Variants in ILRUN observed in about 807,000 individuals in gnomAD.
ILRUN encodes the protein inflammation and lipid regulator with UBA-like and NBR1-like domains.
A neutral mutation model predicts 33.8 loss-of-function variants in ILRUN; 3 were observed. The ratio of observed to expected loss-of-function variants is 0.09; its 90% confidence interval spans 0.04 to 0.23. The LOEUF is 0.23. Ranked by LOEUF, ILRUN falls within the 10% of genes least tolerant of loss-of-function variation. The probability of loss-of-function intolerance (pLI) is 1.00; values close to 1 mark genes in which losing one functional copy is unlikely to be tolerated. For synonymous variants in ILRUN, 124 were observed against 138.9 expected (o/e 0.89, Z 0.75); for missense variants, 210 against 375.1 (o/e 0.56, Z 3.64).
At chr6:34,654,096 A>G (rs936897326) in intron 2 of ILRUN, among the ~76,000 whole-genome samples, 22 of 149,582 alleles carry the variant, frequency 1.5e-4, no homozygotes, top group African/African-American at 5.2e-4. Flanking sequence ...TTCCTACCCT[A>G]TTTTTCAAAG....
intron 3 of ILRUN, among the ~76,000 whole-genome samples, chr6:34,621,312 C>T (rs1243387191): frequency 2.0e-5 from 3 of 152,148 alleles, no homozygotes; most frequent in African/African-American, 4.8e-5. Flanking sequence ...AGGATTCCCC[C>T]ACTTCAAAAG....
At position 34,651,788 on chromosome 6, in the gene ILRUN, ACT is replaced by A. The variant is rs1491224925; in HGVS notation, c.313+2835_313+2836del. On this transcript the variant is annotated intron_variant, in intron 2 of 4. Coordinates refer to ENST00000374023, the MANE Select transcript of ILRUN (RefSeq NM_024294.4). ...ATATCTCACTGGTAGATTCCAAAAA[ACT>A]TTTTTTTTTTTTTTTTTTTTGAGAT... Among the ~76,000 whole-genome samples, 1,008 of 138,314 alleles carry A rather than the reference ACT, an allele frequency of 7.3e-3. 10 individuals are homozygous for A. Among genetic ancestry groups the A allele is most frequent in the African/African-American group, 0.027 (955 of 35,606 alleles). 90.7% of individuals were successfully genotyped at this position (138,314 alleles called of 152,430 possible).
Position 34,606,630 on chromosome 6 carries a change from A to G in ILRUN, c.786T>C (p.Asn262=). 1 of 1,614,164 alleles carries G rather than the reference A, an allele frequency of 6.2e-7. No homozygotes were observed. The highest frequency in any genetic ancestry group is 8.5e-7 in the Non-Finnish European group (1 of 1,180,024). The change falls in exon 4 of 5, where the codon AAT becomes AAC. Residue 262 remains asparagine (N), a synonymous_variant. Coordinates refer to ENST00000374023, the MANE Select transcript of ILRUN (RefSeq NM_024294.4). ...PAPDQTEQDQ[N]RLSQNSVNLS... is the part of the protein sequence containing the mutation. ...GATTTACAGAGTTCTGTGACAGTCT[A>G]TTCTGGTCTTGCTCAGTTTGGTCAG...
chr6:34,619,956 G>C (rs1381864866), intron 3 of ILRUN, among the ~76,000 whole-genome samples: 1 of 143,916 alleles, frequency 6.9e-6, no homozygotes, highest in African/African-American at 2.6e-5. Context: ...CTGCACTCCA[G>C]CCTGGGTGAC....
intron 3 of ILRUN, among the ~76,000 whole-genome samples, chr6:34,614,018 A>G (rs1328574146): frequency 2.0e-5 from 3 of 152,242 alleles, no homozygotes; most frequent in African/African-American, 7.2e-5. Flanking sequence ...GGCATGTCAC[A>G]GGGACATATA....
chr6:34,596,978 T>C lies in ILRUN; in HGVS notation c.862-6378A>G, dbSNP rs145242991. Among the ~76,000 whole-genome samples the C allele has an allele frequency of 5.3e-5, 8 of 152,158 alleles. No homozygotes were observed. In the East Asian group the frequency reaches 1.5e-3, roughly 29 times the overall value. On this transcript the variant is annotated intron_variant, in intron 4 of 4. Transcript: ENST00000374023. ...CCCTTCATCATTCATCCCTCCATCCTTCCTCTATCATCCATACTTCCATCC... is the reference window on the plus strand; with the variant it reads ...CCCTTCATCATTCATCCCTCCATCCCTCCTCTATCATCCATACTTCCATCC...
At chr6:34,617,236 C>T (rs773489799) in intron 3 of ILRUN, 13 of 412,300 alleles carry the variant, frequency 3.2e-5, no homozygotes, top group African/African-American at 1.7e-4. Flanking sequence ...CAGATCAACA[C>T]GCTTAATAGA....
intron 1 of ILRUN, among the ~76,000 whole-genome samples, chr6:34,657,545 A>C (rs1461358650): frequency 6.6e-6 from 1 of 152,344 alleles, no homozygotes; most frequent in African/African-American, 2.4e-5. Context: ...TTTAAACCCC[A>C]AACTGAAACT....
intron 3 of ILRUN, among the ~76,000 whole-genome samples, chr6:34,608,434 A>AT (rs1262361129): frequency 6.6e-6 from 1 of 152,118 alleles, no homozygotes; most frequent in Non-Finnish European, 1.5e-5. Context: ...ATAGTAAAAT[A>AT]TATGATATGA....
chr6:34,612,530 T>C (rs962504837), intron 3 of ILRUN, among the ~76,000 whole-genome samples: 2 of 152,238 alleles, frequency 1.3e-5, no homozygotes, highest in Non-Finnish European at 2.9e-5. Flanking sequence ...CTCATTATTA[T>C]AGTATAAACT....
intron 4 of ILRUN, chr6:34,595,637 A>C: frequency 8.8e-6 from 4 of 454,610 alleles, no homozygotes; most frequent in Middle Eastern, 1.2e-3. Context: ...TGTCTCATTG[A>C]GAGATTTTTG....
chr6:34,596,004 T>C, intron 4 of ILRUN: 1 of 873,690 alleles, frequency 1.1e-6, no homozygotes, highest in African/African-American at 1.8e-5. Context: ...TCCTGATTTA[T>C]ACTGCAAACA....
intron 4 of ILRUN, among the ~76,000 whole-genome samples, chr6:34,602,901 G>C (rs1414610634): frequency 2.0e-5 from 3 of 152,198 alleles, no homozygotes; most frequent in African/African-American, 4.8e-5. Flanking sequence ...AAGAACAGCT[G>C]GGAAGGACTC....
chr6:34,656,831 A>T lies in ILRUN; in HGVS notation c.159-2052T>A, dbSNP rs950527449. On this transcript the variant is annotated intron_variant, in intron 1 of 4. Coordinates refer to ENST00000374023, the MANE Select transcript of ILRUN (RefSeq NM_024294.4). ...TGTCATATTAGTCAGTAATGACTGA[A>T]ATTACAATACCAATGGCCTGCCTAT... 4.7e-4 allele frequency among the ~76,000 whole-genome samples: 71 copies of T among 152,208 alleles called. 1 individual carries two copies. Among genetic ancestry groups the T allele is most frequent in the African/African-American group, 1.7e-3 (71 of 41,448 alleles).
chr6:34,620,684 C>T (rs1761995587), intron 3 of ILRUN, among the ~76,000 whole-genome samples: 1 of 152,152 alleles, frequency 6.6e-6, no homozygotes, highest in Non-Finnish European at 1.5e-5. Flanking sequence ...TAAAAATTAG[C>T]TGGGCATCAT....
At chr6:34,662,759 C>T (rs910263893) in intron 1 of ILRUN, among the ~76,000 whole-genome samples, 15 of 152,264 alleles carry the variant, frequency 9.9e-5, no homozygotes, top group African/African-American at 3.4e-4. Context: ...ATACTTAACA[C>T]GCTACGGAAT....
rs925958990 is a variant in ILRUN at position 34,592,476 on chromosome 6, A to G, written c.862-1876T>C. ...CACTCAAGCAAGTGTGCACTGGGGC[A>G]GCAAAGGGCTCTCAGATTCCATTTT... On this transcript the variant is annotated intron_variant, in intron 4 of 4. Coordinates refer to ENST00000374023, the MANE Select transcript of ILRUN (RefSeq NM_024294.4). This position sits in a 1 kb window ranked among gnomAD's most constrained non-coding sequence, Gnocchi z 4.0. Among the ~76,000 whole-genome samples the G allele has an allele frequency of 4.8e-4, 73 of 152,392 alleles. No individual in the cohort carries two copies. Among genetic ancestry groups the G allele is most frequent in the African/African-American group, 1.5e-3 (61 of 41,600 alleles).
intron 1 of ILRUN, among the ~76,000 whole-genome samples, chr6:34,670,793 T>TAGC (rs1316990417): frequency 7.5e-6 from 1 of 133,328 alleles, no homozygotes; most frequent in Non-Finnish European, 1.5e-5. Flanking sequence ...GAGGCAGAGG[T>TAGC]AGCAGTGAGC....
intron 3 of ILRUN, among the ~76,000 whole-genome samples, chr6:34,614,441 A>ATATAT (rs1210392851): frequency 1.8e-5 from 2 of 112,028 alleles, no homozygotes; most frequent in East Asian, 2.3e-4. Context: ...TAAAAAAAAA[A>ATATAT]AAATATATAT....
Sources: gnomAD v4.1 joint callset for allele counts (sites outside exome capture counted in the v4.1 genomes callset) on GRCh38, gnomAD v4.1.1 for gene constraint, Gnocchi (gnomAD v3.1) non-coding constraint, MANE v1.5 for transcripts, NCBI Gene and HGNC (gene_info 2026-07-23, HGNC 2026-07-21) for gene names.